Variants in PRKCD observed in about 807,000 individuals in gnomAD.
The protein encoded by PRKCD is protein kinase C delta, also known as protein kinase C delta type.
A neutral mutation model predicts 82.2 loss-of-function variants in PRKCD; 20 were observed. The ratio of observed to expected loss-of-function variants is 0.24; its 90% CI spans 0.17 to 0.35. The LOEUF is 0.35. Among genes scored for constraint, PRKCD ranks in the 10% least tolerant of loss-of-function variants. The pLI is 1.00. For missense variants in PRKCD, 607 were observed against 899.0 expected, an observed-to-expected ratio of 0.68 and a Z score of 4.15; for synonymous variants, 317 against 337.0, an observed-to-expected ratio of 0.94 and a Z score of 0.65.
At chr3:53,161,450 G>C (rs1207206685) in intron 1 of PRKCD, 22 bp downstream of exon 1, 2 of 151,700 alleles carry the variant, frequency 1.3e-5, no homozygotes, top group Non-Finnish European at 2.9e-5. Flanking sequence ...CCGGGTCCGG[G>C]CGCGGGATCG....
chr3:53,180,326 G>C (rs1703390744), intron 4 of PRKCD, among the ~76,000 whole-genome samples: 1 of 152,202 alleles, frequency 6.6e-6, no homozygotes, highest in African/African-American at 2.4e-5. Context: ...GCCATTGAGG[G>C]GGCAACATAG....
chr3:53,186,901 G>A (rs540148925), intron 14 of PRKCD, among the ~76,000 whole-genome samples: 8 of 152,296 alleles, frequency 5.3e-5, no homozygotes, highest in South Asian at 4.1e-4. Flanking sequence ...GGCTGGGTGC[G>A]CAGCGCAAAT....
chr3:53,181,429 C>T lies in PRKCD; in HGVS notation c.377-15C>T, dbSNP rs1553667474. On this transcript the variant is annotated splice_polypyrimidine_tract_variant and intron_variant, in intron 5 of 18. Coordinates refer to ENST00000330452, the MANE Select transcript of PRKCD (RefSeq NM_006254.4). ...CCAGATACCAGGGCTGACTTCCCTA[C>T]TCCATGGTCACCAGATTGCAAACAG... 3.7e-6 allele frequency: 6 copies of T among 1,614,124 alleles called. No homozygotes were observed. In the South Asian group the frequency reaches 4.4e-5, roughly 12 times the overall value.
At position 53,186,618 on chromosome 3, in the gene PRKCD, T is replaced by C; in HGVS notation, c.1275T>C (p.Phe425=). The C allele has an allele frequency of 6.2e-7, 1 of 1,613,534 alleles. No homozygotes were observed. The highest frequency in any genetic ancestry group is 8.5e-7 in the Non-Finnish European group (1 of 1,179,626). Residue 425 remains phenylalanine (F), a synonymous_variant, in exon 14 of 19, where the codon TTT becomes TTC. Coordinates refer to ENST00000330452, the MANE Select transcript of PRKCD (RefSeq NM_006254.4). ...CTFQTKDHLF[F]VMEFLNGGDL... is the part of the protein sequence containing the mutation. ...TCCCACCCCAGGACCACCTGTTCTT[T>C]GTGATGGAGTTCCTCAACGGGGGGG... is the stretch of plus-strand genomic sequence containing the variant.
At chr3:53,189,823 C>T in intron 17 of PRKCD, 50 bp from the exon 18 acceptor site, 1 of 1,609,960 alleles carries the variant, frequency 6.2e-7, no homozygotes, top group East Asian at 2.2e-5. Context: ...GCTGAAGCTC[C>T]AATTTCCCAT....
intron 18 of PRKCD, among the ~76,000 whole-genome samples, chr3:53,191,530 G>A (rs1299741454): frequency 2.6e-5 from 4 of 152,210 alleles, no homozygotes; most frequent in African/African-American, 9.6e-5. Flanking sequence ...CCAGCTTGCG[G>A]TCTTTCTATA....
intron 1 of PRKCD, among the ~76,000 whole-genome samples, chr3:53,163,413 G>A (rs945224243): frequency 1.4e-4 from 21 of 151,970 alleles, no homozygotes; most frequent in African/African-American, 4.8e-4. Flanking sequence ...CCATGAGGAT[G>A]TGGGTGTGCA....
At position 53,182,056 on chromosome 3, in the gene PRKCD, C is replaced by T. The variant is rs138157574; in HGVS notation, c.571+324C>T. 323 of 495,396 alleles carry T rather than the reference C, an allele frequency of 6.5e-4. 1 individual carries two copies. The highest frequency in any genetic ancestry group is 5.6e-3 in the African/African-American group (295 of 52,626). 30.7% of individuals were successfully genotyped at this position (495,396 alleles called of 1,614,324 possible). A position where few individuals can be genotyped will look rare whatever the true frequency, so the allele number is the denominator to read the frequency against. On this transcript the variant is annotated intron_variant, in intron 7 of 18. Coordinates refer to ENST00000330452, the MANE Select transcript of PRKCD (RefSeq NM_006254.4). ...TTCCTCGGAGAGGCAATGATAGGTC[C>T]TTTACTGGCACATAGTGGCTGCATG... is the stretch of plus-strand genomic sequence containing the variant.
rs1703426668 is a variant in PRKCD at position 53,181,223 on chromosome 3, A to G, written c.332A>G (p.Gln111Arg). 1 of 1,613,704 alleles carries G rather than the reference A, an allele frequency of 6.2e-7. No individual in the cohort carries two copies. The highest frequency in any genetic ancestry group is 1.7e-5 in the Admixed American group (1 of 59,954). The change falls in exon 5 of 19, where the codon CAG (glutamine) becomes CGG (arginine). Residue 111 changes from glutamine (Q) to arginine (R), a missense_variant. By Grantham distance (43) the Gln-to-Arg change is conservative (BLOSUM62 1). This residue lies in a region of PRKCD where 161 missense variants were observed against 227.0 expected (regional missense o/e 0.71). Coordinates refer to ENST00000330452, the MANE Select transcript of PRKCD (RefSeq NM_006254.4). ...KAEFWLDLQP[Q>R]AKVLMSVQYF... ...CCCCAACAGCTGGACCTGCAGCCTCAGGCCAAGGTGTTGATGTCTGTTCAG... is the reference window on the plus strand; with the variant it reads ...CCCCAACAGCTGGACCTGCAGCCTCGGGCCAAGGTGTTGATGTCTGTTCAG...
intron 7 of PRKCD, 34 bp downstream of exon 7, chr3:53,181,766 T>G (rs1553667611): frequency 6.2e-7 from 1 of 1,614,118 alleles, no homozygotes. Flanking sequence ...TGTACGTATG[T>G]ACCCATGTGT....
chr3:53,168,838 G>A (rs534889558), intron 2 of PRKCD, among the ~76,000 whole-genome samples: 3 of 151,070 alleles, frequency 2.0e-5, no homozygotes, highest in Non-Finnish European at 4.4e-5. Context: ...TGATGGGGAG[G>A]GGGGTGGCGG....
chr3:53,163,225 G>A (rs138797294), intron 1 of PRKCD, among the ~76,000 whole-genome samples: 378 of 152,112 alleles, frequency 2.5e-3, no homozygotes, highest in Middle Eastern at 0.01. Flanking sequence ...GTGACTGGTG[G>A]GACACAGTCT....
chr3:53,187,795 C>T (rs1703764611), intron 15 of PRKCD, among the ~76,000 whole-genome samples: 1 of 152,152 alleles, frequency 6.6e-6, no homozygotes, highest in Non-Finnish European at 1.5e-5. Context: ...TGAGGTCAGG[C>T]TCTGTATACT....
intron 2 of PRKCD, among the ~76,000 whole-genome samples, chr3:53,177,568 C>A (rs1159177619): frequency 6.6e-6 from 1 of 152,156 alleles, no homozygotes; most frequent in Non-Finnish European, 1.5e-5. Flanking sequence ...GAAGAAAAAA[C>A]CCCAAACTTA....
At chr3:53,166,997 C>A (rs1702856715) in intron 2 of PRKCD, among the ~76,000 whole-genome samples, 1 of 152,258 alleles carries the variant, frequency 6.6e-6, no homozygotes, top group South Asian at 2.1e-4. Flanking sequence ...GTCCTATCAA[C>A]TCCTGTGTCC....
chr3:53,182,976 C>A (rs1703505971), intron 7 of PRKCD, 145 bp from the exon 8 acceptor site: 1 of 770,176 alleles, frequency 1.3e-6, no homozygotes, highest in Non-Finnish European at 2.2e-6. Flanking sequence ...GACTCAAGCG[C>A]TGGGCCTCTG....
At chr3:53,183,872 C>G (rs376543254) in intron 9 of PRKCD, among the ~76,000 whole-genome samples, 2 of 152,370 alleles carry the variant, frequency 1.3e-5, no homozygotes, top group Admixed American at 6.5e-5. Context: ...GTGCTGAAGC[C>G]AGGCCTGGTG....
intron 9 of PRKCD, among the ~76,000 whole-genome samples, chr3:53,184,543 C>T (rs1012610225): frequency 5.3e-5 from 8 of 151,708 alleles, no homozygotes; most frequent in Admixed American, 1.3e-4. Flanking sequence ...GATATGGTGG[C>T]GCATGCCTGT....
At position 53,185,939 on chromosome 3, in the gene PRKCD, C is replaced by T; in HGVS notation, c.998C>T (p.Thr333Ile). 2 of 1,614,192 alleles carry T rather than the reference C, an allele frequency of 1.2e-6. No homozygotes were observed. Among genetic ancestry groups the T allele is most frequent in the Non-Finnish European group, 8.5e-7 (1 of 1,180,026 alleles). Residue 333 changes from threonine to isoleucine, a missense_variant, in exon 12 of 19, where the codon ACC becomes ATC. By Grantham distance (89) the Thr-to-Ile change is moderately conservative. Around this residue, in one of 5 missense-constraint regions of PRKCD, gnomAD observed 85 missense variants for 76.1 expected, o/e 1.12. Coordinates refer to ENST00000330452, the MANE Select transcript of PRKCD (RefSeq NM_006254.4). ...ATCTCTCGGGCAGACAACAGTGGGACCTACGGCAAGATCTGGGAGGGCAGC... is the reference window on the plus strand; with the variant it reads ...ATCTCTCGGGCAGACAACAGTGGGATCTACGGCAAGATCTGGGAGGGCAGC... Reference protein sequence around the residue: ...AGEDMQDNSGTYGKIWEGSSK... With the variant: ...AGEDMQDNSGIYGKIWEGSSK...
Sources: gnomAD v4.1 joint callset for allele counts (sites outside exome capture counted in the v4.1 genomes callset) on GRCh38, gnomAD v4.1.1 for gene constraint, gnomAD v4.1.1 regional missense constraint, MANE v1.5 for transcripts, NCBI Gene and HGNC (gene_info 2026-07-23, HGNC 2026-07-21) for gene names.